The following UBL3 variants were observed in gnomAD, a reference collection of about 807,000 sequenced individuals.
UBL3 encodes the protein ubiquitin like 3, also known as ubiquitin-like protein 3.
A neutral mutation model predicts 18.4 loss-of-function variants in UBL3; 6 were observed. That is an observed-to-expected ratio of 0.33 (90% CI 0.18 to 0.64). The LOEUF is 0.64. UBL3 is among the 30% of genes least tolerant of loss of function. The probability of loss-of-function intolerance (pLI) is 0.76; values close to 1 mark genes in which losing one functional copy is unlikely to be tolerated. For synonymous variants in UBL3, 49 were observed against 46.6 expected, an observed-to-expected ratio of 1.05 and a Z score of -0.21; for missense variants, 109 against 142.9, an observed-to-expected ratio of 0.76 and a Z score of 1.21.
intron 1 of UBL3, among the ~76,000 whole-genome samples, chr13:29,838,015 A>G (rs571858338): frequency 6.6e-6 from 1 of 151,442 alleles, no homozygotes; most frequent in Admixed American, 6.6e-5. Context: ...ATACTCTACA[A>G]GCTTTATGTA....
At chr13:29,800,028 C>G (rs1012658826) in intron 1 of UBL3, among the ~76,000 whole-genome samples, 3 of 151,852 alleles carry the variant, frequency 2.0e-5, no homozygotes, top group African/African-American at 7.3e-5. Context: ...ATGACTAGGG[C>G]AGGGAATAGG....
chr13:29,771,701 CAT>C (rs1876844480), intron 3 of UBL3, among the ~76,000 whole-genome samples: 1 of 152,040 alleles, frequency 6.6e-6, no homozygotes, highest in Non-Finnish European at 1.5e-5. Context: ...TTTATTCTCA[CAT>C]GATTAGCAAC....
rs957471148 is a variant in UBL3 at position 29,772,313 on chromosome 13, G to C, written c.137-115C>G. 3 of 669,878 alleles carry C rather than the reference G, an allele frequency of 4.5e-6. No individual in the cohort carries two copies. In the Admixed American group the frequency reaches 8.9e-5, roughly 20 times the overall value. 41.5% of individuals were successfully genotyped at this position (669,878 alleles called of 1,614,324 possible). ...TTAGAGTACAAAGAAGGCCCTTGGA[G>C]CTTCCTACTACTATTAGAAACAGTC... On this transcript the variant is annotated intron_variant, in intron 2 of 4. Transcript: ENST00000380680.
At chr13:29,772,430 C>A (rs1380040992) in intron 2 of UBL3, among the ~76,000 whole-genome samples, 2 of 152,086 alleles carry the variant, frequency 1.3e-5, no homozygotes, top group East Asian at 3.9e-4. Context: ...TTAAAGAATA[C>A]TAAAATGTAC....
At chr13:29,824,743 G>C (rs1337857528) in intron 1 of UBL3, among the ~76,000 whole-genome samples, 3 of 152,108 alleles carry the variant, frequency 2.0e-5, no homozygotes, top group Non-Finnish European at 4.4e-5. Context: ...GGCTTTTGTT[G>C]CCATTGCTTT....
intron 1 of UBL3, among the ~76,000 whole-genome samples, chr13:29,840,555 C>CA (rs201963463): frequency 6.9e-5 from 2 of 28,876 alleles, no homozygotes; most frequent in Admixed American, 3.4e-4. Context: ...TTTTCATGAA[C>CA]AAAAAAAAAC....
At chr13:29,846,542 T>TACAAA (rs1376524399) in intron 1 of UBL3, among the ~76,000 whole-genome samples, 1 of 152,148 alleles carries the variant, frequency 6.6e-6, no homozygotes, top group Non-Finnish European at 1.5e-5. Context: ...GAGTTCTACC[T>TACAAA]ACAAAACAAA....
intron 1 of UBL3, among the ~76,000 whole-genome samples, chr13:29,830,559 C>T (rs1772727): frequency 0.49 from 74,821 of 151,984 alleles, 19,382 homozygotes; most frequent in African/African-American, 0.66. Flanking sequence ...AACATCTCTT[C>T]GCAATCTCTG....
chr13:29,838,029 T>G (rs1879005147), intron 1 of UBL3, among the ~76,000 whole-genome samples: 3 of 149,174 alleles, frequency 2.0e-5, no homozygotes, highest in African/African-American at 7.4e-5. Context: ...TTATGTAGAT[T>G]ACAAAAAAAA....
At chr13:29,838,900 G>A (rs959569656) in intron 1 of UBL3, among the ~76,000 whole-genome samples, 7 of 151,956 alleles carry the variant, frequency 4.6e-5, no homozygotes, top group Admixed American at 3.9e-4. Context: ...GTATAAGGAC[G>A]AAGAGAGATT....
chr13:29,841,698 C>T (rs1458096960), intron 1 of UBL3, among the ~76,000 whole-genome samples: 3 of 152,126 alleles, frequency 2.0e-5, no homozygotes, highest in African/African-American at 7.2e-5. Context: ...GCTCAGTTAC[C>T]GTTGTGGGGA....
chr13:29,783,915 A>C (rs1238804904), intron 1 of UBL3, among the ~76,000 whole-genome samples: 1 of 152,196 alleles, frequency 6.6e-6, no homozygotes, highest in Non-Finnish European at 1.5e-5. Flanking sequence ...ACTTGGTATG[A>C]GAGCTATTAT....
At chr13:29,791,002 C>T (rs916159479) in intron 1 of UBL3, among the ~76,000 whole-genome samples, 4 of 152,122 alleles carry the variant, frequency 2.6e-5, no homozygotes, top group East Asian at 1.9e-4. Flanking sequence ...TTCATTTCTC[C>T]GTCTGCTAGC....
chr13:29,777,539 A>G, intron 1 of UBL3: 1 of 524,056 alleles, frequency 1.9e-6, no homozygotes, highest in South Asian at 1.6e-5. Context: ...AAATTTAATC[A>G]CTCCAACAAT....
Position 29,772,109 on chromosome 13 carries a change from T to C in UBL3, c.223+3A>G. ...TAAATCCCATTACAAAGGTGGCTGT[T>C]ACCTCCTAATGTGACATTTCCATGT... On this transcript the variant is annotated splice_donor_region_variant and intron_variant, in intron 3 of 4. Transcript: ENST00000380680. The C allele has an allele frequency of 6.2e-7, 1 of 1,609,752 alleles. No homozygotes were observed. The highest frequency in any genetic ancestry group is 8.5e-7 in the Non-Finnish European group (1 of 1,177,162).
At chr13:29,845,886 T>TA (rs1402166273) in intron 1 of UBL3, among the ~76,000 whole-genome samples, 5 of 152,130 alleles carry the variant, frequency 3.3e-5, no homozygotes, top group Non-Finnish European at 5.9e-5. Context: ...ATTTCTCTCT[T>TA]AAAGTTTTCA....
At chr13:29,777,398 T>C (rs966420076) in intron 1 of UBL3, 135 bp from the exon 2 acceptor site, 19 of 751,082 alleles carry the variant, frequency 2.5e-5, no homozygotes, top group Non-Finnish European at 3.6e-5. Flanking sequence ...TTAAATTCTA[T>C]AAAACTTTTT....
At chr13:29,792,620 G>A (rs1877510726) in intron 1 of UBL3, among the ~76,000 whole-genome samples, 1 of 152,148 alleles carries the variant, frequency 6.6e-6, no homozygotes, top group African/African-American at 2.4e-5. Flanking sequence ...TCACTTAGTG[G>A]TGCCCCAGAA....
chr13:29,810,035 CA>C (rs1379835279), intron 1 of UBL3, among the ~76,000 whole-genome samples: 1 of 151,960 alleles, frequency 6.6e-6, no homozygotes, highest in African/African-American at 2.4e-5. Flanking sequence ...TCCACAGACA[CA>C]GAACCTATGA....
Sources: allele counts gnomAD v4.1 joint callset (sites outside exome capture counted in the v4.1 genomes callset), GRCh38; gene constraint gnomAD v4.1.1; transcripts MANE v1.5; gene names NCBI Gene and HGNC (gene_info 2026-07-23, HGNC 2026-07-21).